Variants in GAP43 observed in about 807,000 individuals in gnomAD.
GAP43 encodes the protein growth associated protein 43.
GAP43 carries 6 observed loss-of-function variants against 18.6 expected under a neutral mutation model. The ratio of observed to expected loss-of-function variants is 0.32; its 90% confidence interval spans 0.18 to 0.64. GAP43 has a LOEUF of 0.64. Ranked by LOEUF, GAP43 falls within the 30% of genes least tolerant of loss-of-function variation. The probability of loss-of-function intolerance (pLI) is 0.78; values close to 1 mark genes in which losing one functional copy is unlikely to be tolerated. For missense variants in GAP43, 292 were observed against 295.5 expected, an observed-to-expected ratio of 0.99 and a Z score of 0.09; for synonymous variants, 115 against 111.4, an observed-to-expected ratio of 1.03 and a Z score of -0.20.
chr3:115,661,134 A>C (rs1026466855), intron 1 of GAP43: 3 of 151,956 alleles, frequency 2.0e-5, no homozygotes, highest in Admixed American at 6.5e-5. Flanking sequence ...TAAAAAAAAA[A>C]CTGTTTTTCC....
At chr3:115,693,326 A>G (rs1709139226) in intron 2 of GAP43, among the ~76,000 whole-genome samples, 1 of 152,128 alleles carries the variant, frequency 6.6e-6, no homozygotes, top group Non-Finnish European at 1.5e-5. Context: ...AAAGTAGTCC[A>G]AGGAAATGCT....
intron 1 of GAP43, 111 bp downstream of exon 1, chr3:115,623,830 C>T (rs1708147976): frequency 4.5e-6 from 5 of 1,100,386 alleles, no homozygotes; most frequent in African/African-American, 1.5e-5. Context: ...GTGGTGCTCG[C>T]GCTTCCTTAG....
rs1249021790 is a variant in GAP43, at chr3:115,676,022, AATG to A, written c.45_47del (p.Asp17del). The A allele has an allele frequency of 1.3e-6, 2 of 1,595,920 alleles. No individual in the cohort carries two copies. The highest frequency in any genetic ancestry group is 8.5e-7 in the Non-Finnish European group (1 of 1,172,716). ...TCTTTTCTCGACAAAGGTTGAAAAAAATGATGACGACCAAAAGATTGAACAAGA... is the reference window on the plus strand; with the variant it reads ...TCTTTTCTCGACAAAGGTTGAAAAAAATGACGACCAAAAGATTGAACAAGA... On this transcript the variant is annotated inframe_deletion, in exon 2 of 3. Transcript: ENST00000305124.
intron 2 of GAP43, among the ~76,000 whole-genome samples, chr3:115,718,638 A>C (rs1577005695): frequency 6.6e-6 from 1 of 152,230 alleles, no homozygotes; most frequent in African/African-American, 2.4e-5. Flanking sequence ...TATTTTATGA[A>C]TAGCTTATAG....
chr3:115,642,289 C>G lies in GAP43; in HGVS notation c.30+18570C>G, dbSNP rs142505250. Among the ~76,000 whole-genome samples, 362 of 152,056 alleles carry G rather than the reference C, an allele frequency of 2.4e-3. 12 individuals are homozygous for G. The East Asian group carries it at 0.055, about 23-fold the overall frequency. On this transcript the variant is annotated intron_variant, in intron 1 of 2. Transcript: ENST00000305124. ...TTTCAATTAGGCTTTATCATCAAGACCAATTTTAGACACAATATCTCCTCT... is the reference window on the plus strand; with the variant it reads ...TTTCAATTAGGCTTTATCATCAAGAGCAATTTTAGACACAATATCTCCTCT...
chr3:115,655,869 A>G (rs1012113943), intron 1 of GAP43, among the ~76,000 whole-genome samples: 3 of 152,174 alleles, frequency 2.0e-5, no homozygotes, highest in Non-Finnish European at 4.4e-5. Flanking sequence ...AGCATGTTAG[A>G]ATGACTGAAA....
intron 2 of GAP43, among the ~76,000 whole-genome samples, chr3:115,712,136 T>TA (rs1318963508): frequency 1.3e-5 from 2 of 152,156 alleles, no homozygotes; most frequent in African/African-American, 4.8e-5. Context: ...TTTAATTTTT[T>TA]AAAAAAATAT....
Position 115,629,247 on chromosome 3 carries a change from A to G in GAP43, c.30+5528A>G, listed in dbSNP as rs150450890. ...TTTCTATGTGGAGTTCTACCACCAC[A>G]TTGTTCTTTAGTTTACCTTGCAAAT... is the stretch of plus-strand genomic sequence containing the variant. On this transcript the variant is annotated intron_variant, in intron 1 of 2. Coordinates refer to ENST00000305124, the MANE Select transcript of GAP43 (RefSeq NM_002045.4). 1.9e-3 allele frequency among the ~76,000 whole-genome samples: 295 copies of G among 152,300 alleles called. 2 individuals are homozygous for G. The highest frequency in any genetic ancestry group is 2.6e-3 in the Non-Finnish European group (174 of 68,018).
At chr3:115,671,292 A>G (rs1032995184) in intron 1 of GAP43, among the ~76,000 whole-genome samples, 2 of 152,182 alleles carry the variant, frequency 1.3e-5, no homozygotes, top group Admixed American at 6.5e-5. Context: ...TACTTAAGTA[A>G]TTACTTCTTA....
At chr3:115,718,169 C>G (rs936629110) in intron 2 of GAP43, among the ~76,000 whole-genome samples, 1 of 152,102 alleles carries the variant, frequency 6.6e-6, no homozygotes, top group African/African-American at 2.4e-5. Flanking sequence ...TTCTCTTGTT[C>G]CTATAACTAC....
Position 115,676,265 on chromosome 3 carries a change from G to A in GAP43, c.283G>A (p.Gly95Ser). Residue 95 changes from glycine (G) to serine (S), a missense_variant, in exon 2 of 3, where the codon GGC becomes AGC. Transcript: ENST00000305124. The part of the protein sequence containing the change: ...TTTAEAAPAT[G>S]SKPDEPGKAG... ...TACTGCCGAAGCAGCCCCAGCCACT[G>A]GCTCCAAGCCTGATGAGCCCGGCAA... is the stretch of plus-strand genomic sequence containing the variant. The A allele has an allele frequency of 6.2e-7, 1 of 1,614,164 alleles. No individual in the cohort carries two copies. The highest frequency in any genetic ancestry group is 8.5e-7 in the Non-Finnish European group (1 of 1,180,028).
At chr3:115,636,919 T>A (rs1708336469) in intron 1 of GAP43, among the ~76,000 whole-genome samples, 1 of 152,108 alleles carries the variant, frequency 6.6e-6, no homozygotes. Context: ...AAACATGTTC[T>A]ATAGCAAAAT....
At chr3:115,663,530 G>A in intron 1 of GAP43, 1 of 1,244,218 alleles carries the variant, frequency 8.0e-7, no homozygotes, top group Non-Finnish European at 1.0e-6. Context: ...GAATTAAAAG[G>A]GAACCTGGTC....
chr3:115,659,853 T>C (rs1708635219), intron 1 of GAP43, among the ~76,000 whole-genome samples: 1 of 152,138 alleles, frequency 6.6e-6, no homozygotes, highest in Admixed American at 6.5e-5. Context: ...CCAACTGTGG[T>C]AGAGGATAAC....
intron 2 of GAP43, among the ~76,000 whole-genome samples, chr3:115,683,917 T>C (rs563565836): frequency 1.1e-4 from 17 of 152,212 alleles, no homozygotes; most frequent in Admixed American, 5.9e-4. Flanking sequence ...AAATGGGCTA[T>C]TGAACGTCCC....
Position 115,669,830 on chromosome 3 carries a change from T to C in GAP43, c.31-6183T>C, listed in dbSNP as rs181816668. Reference sequence around the variant, plus strand: ...CTGCAGTTTCCAATATGAGATATTTTGTTTTCTTATACAGTTTCATTGCTT... The same window carrying C: ...CTGCAGTTTCCAATATGAGATATTTCGTTTTCTTATACAGTTTCATTGCTT... On this transcript the variant is annotated intron_variant, in intron 1 of 2. Transcript: ENST00000305124. Among the ~76,000 whole-genome samples, 202 of 152,176 alleles carry C rather than the reference T, an allele frequency of 1.3e-3. 1 individual carries two copies. The highest frequency in any genetic ancestry group is 0.012 in the Admixed American group (179 of 15,292).
chr3:115,683,609 A>G (rs574731048), intron 2 of GAP43, among the ~76,000 whole-genome samples: 288 of 152,144 alleles, frequency 1.9e-3, no homozygotes, highest in Admixed American at 3.3e-3. Context: ...TCAATATTTC[A>G]TTTCCATCTT....
chr3:115,715,658 T>TAA (rs749190329), intron 2 of GAP43, among the ~76,000 whole-genome samples: 4 of 152,198 alleles, frequency 2.6e-5, no homozygotes, highest in Non-Finnish European at 5.9e-5. Context: ...ATCTCTAGCA[T>TAA]TTACAAATCA....
At chr3:115,688,285 C>T (rs980895477) in intron 2 of GAP43, among the ~76,000 whole-genome samples, 3 of 152,116 alleles carry the variant, frequency 2.0e-5, no homozygotes, top group African/African-American at 4.8e-5. Context: ...TCCCAAAGTG[C>T]TGGGATTGTA....
Sources: gnomAD v4.1 joint callset for allele counts (sites outside exome capture counted in the v4.1 genomes callset) on GRCh38, gnomAD v4.1.1 for gene constraint, MANE v1.5 for transcripts, NCBI Gene and HGNC (gene_info 2026-07-23, HGNC 2026-07-21) for gene names.